FAAH: variants seen among roughly 807,000 people sequenced by gnomAD.
FAAH encodes fatty acid amide hydrolase, also known as fatty-acid amide hydrolase 1.
FAAH carries 63 observed loss-of-function variants against 69.7 expected under a neutral mutation model. The observed-to-expected ratio is 0.90, with a 90% CI of 0.74 to 1.12. FAAH has a LOEUF of 1.12. FAAH is among the 50% of genes most tolerant of loss of function. The probability of loss-of-function intolerance (pLI) is 0.00; values close to 1 mark genes in which losing one functional copy is unlikely to be tolerated. For missense variants in FAAH, 680 were observed against 755.0 expected, an observed-to-expected ratio of 0.90 and a Z score of 1.16; for synonymous variants, 305 against 324.2, an observed-to-expected ratio of 0.94 and a Z score of 0.64.
rs1265373206 is a variant in FAAH at position 46,409,340 on chromosome 1, C to A, written c.1175+142C>A. On this transcript the variant is annotated intron_variant, in intron 9 of 14. Coordinates refer to ENST00000243167, the MANE Select transcript of FAAH (RefSeq NM_001441.3). ...GCACTCTGGGCAGGGACCTCGCTGT[C>A]CCTCCAGCTGGGCACATTGAGCCTG... The A allele has an allele frequency of 2.0e-5, 14 of 714,516 alleles. No individual in the cohort carries two copies. The Admixed American group carries it at 2.8e-4, about 14-fold the overall frequency. 44.3% of individuals were successfully genotyped at this position (714,516 alleles called of 1,614,324 possible). A position where few individuals can be genotyped will look rare whatever the true frequency, so the allele number is the denominator to read the frequency against.
At chr1:46,407,002 C>T (rs2148450479) in intron 7 of FAAH, among the ~76,000 whole-genome samples, 1 of 152,072 alleles carries the variant, frequency 6.6e-6, no homozygotes, top group South Asian at 2.1e-4. Context: ...AAACAGCAGC[C>T]TTTCTAACAG....
rs1379504166 is a variant in FAAH at position 46,409,166 on chromosome 1, C to T, written c.1143C>T (p.Phe381=). The T allele has an allele frequency of 1.2e-6, 2 of 1,613,976 alleles. No homozygotes were observed. The highest frequency in any genetic ancestry group is 2.2e-5 in the South Asian group (2 of 91,054). The change falls in exon 9 of 15, where the codon TTC becomes TTT. Residue 381 remains phenylalanine, a synonymous_variant. Transcript: ENST00000243167. The stretch of plus-strand genomic sequence containing the variant: ...AGACCCTGTCAACAGGTGGGCTCTT[C>T]AGTGATGGTGGCCACACCTTCCTAC... ...ALETLSTGGL[F]SDGGHTFLQN...
chr1:46,413,592 G>C lies in FAAH; in HGVS notation c.*17G>C. Reference sequence around the variant, plus strand: ...TCATCCTGATGGCTCTGGCTCCAGAGGACCTGAGACTCACACTCTCTGCAG... The same window carrying C: ...TCATCCTGATGGCTCTGGCTCCAGACGACCTGAGACTCACACTCTCTGCAG... On this transcript the variant is annotated 3_prime_UTR_variant, in exon 15 of 15. Coordinates refer to ENST00000243167, the MANE Select transcript of FAAH (RefSeq NM_001441.3). 1 of 1,614,036 alleles carries C rather than the reference G, an allele frequency of 6.2e-7. No homozygotes were observed. The highest frequency in any genetic ancestry group is 8.5e-7 in the Non-Finnish European group (1 of 1,179,958).
chr1:46,407,092 G>A (rs985251838), intron 7 of FAAH, among the ~76,000 whole-genome samples: 8 of 151,766 alleles, frequency 5.3e-5, no homozygotes, highest in Admixed American at 3.3e-4. Context: ...TGCCAGACTT[G>A]CTGCTACGTG....
intron 1 of FAAH, among the ~76,000 whole-genome samples, chr1:46,396,303 C>A (rs186392703): frequency 6.6e-6 from 1 of 152,204 alleles, no homozygotes; most frequent in Non-Finnish European, 1.5e-5. Context: ...GTAAATAGAA[C>A]GTAGGATCGG....
rs1664911237 is a variant in FAAH, at chr1:46,411,436, G to C, written c.1317-176G>C. Among the ~76,000 whole-genome samples the C allele has an allele frequency of 6.6e-6, 1 of 152,168 alleles. No homozygotes were observed. The highest frequency in any genetic ancestry group is 2.1e-4 in the South Asian group (1 of 4,828). ...ACCAAGTGCCAGCCTGTGCCCCTCT[G>C]GGGCCTGATTTTCTCATCCAGACAG... On this transcript the variant is annotated intron_variant, in intron 11 of 14. Transcript: ENST00000243167. This position sits in a 1 kb window ranked among gnomAD's most constrained non-coding sequence, Gnocchi z 4.8.
At position 46,413,660 on chromosome 1, in the gene FAAH, G is replaced by A. The variant is rs200523033; in HGVS notation, c.*85G>A. ...ACAGCTGCCCTGCTGCCACAGCAAGGAAATGTCCTGCATGGGGCAGAGGCT... is the reference window on the plus strand; with the variant it reads ...ACAGCTGCCCTGCTGCCACAGCAAGAAAATGTCCTGCATGGGGCAGAGGCT... On this transcript the variant is annotated 3_prime_UTR_variant, in exon 15 of 15. Transcript: ENST00000243167. 37 of 1,597,670 alleles carry A rather than the reference G, an allele frequency of 2.3e-5. No individual in the cohort carries two copies. The African/African-American group carries it at 3.5e-4, about 15-fold the overall frequency.
rs1490208539 is a variant in FAAH, at chr1:46,408,465, A to T, written c.958A>T (p.Thr320Ser). The change falls in exon 8 of 15, where the codon ACC becomes TCC. Residue 320 changes from threonine to serine, a missense_variant. Thr to Ser is a moderately conservative substitution (Grantham distance 58, BLOSUM62 1). Coordinates refer to ENST00000243167, the MANE Select transcript of FAAH (RefSeq NM_001441.3). ...CCCTGTGTTTTCCCTCCAGGTCTAC[A>T]CCAGCTCTCAGCCCCTGCGTGTGGG... ...PPLPFREEVY[T>S]SSQPLRVGYY... The T allele has an allele frequency of 6.2e-7, 1 of 1,613,960 alleles. No homozygotes were observed. Among genetic ancestry groups the T allele is most frequent in the African/African-American group, 1.3e-5 (1 of 74,862 alleles).
At position 46,405,612 on chromosome 1, in the gene FAAH, T is replaced by C. The variant is rs759282213; in HGVS notation, c.603T>C (p.Phe201=). 2 of 1,613,490 alleles carry C rather than the reference T, an allele frequency of 1.2e-6. No individual in the cohort carries two copies. The highest frequency in any genetic ancestry group is 2.2e-5 in the South Asian group (2 of 91,056). The part of the protein sequence containing the change: ...MFSYDCSNPL[F]GQTVNPWKSS... ...GCTATGACTGCAGTAACCCCCTCTT[T>C]GGCCAGACCGTGAACCCATGGAAGT... Residue 201 remains phenylalanine, a synonymous_variant, in exon 5 of 15, where the codon TTT becomes TTC. Coordinates refer to ENST00000243167, the MANE Select transcript of FAAH (RefSeq NM_001441.3). This position sits in a 1 kb window ranked among gnomAD's most constrained non-coding sequence, Gnocchi z 4.1.
chr1:46,406,254 C>T lies in FAAH; in HGVS notation c.837C>T (p.Ser279=). ...CTCTCTGCCCCACAGTGCGTCTCTC[C>T]GTGGGCCCCATGGCCCGGGACGTGG... ...CVYGQEAVRL[S]VGPMARDVES... is the part of the protein sequence containing the mutation. The change falls in exon 7 of 15, where the codon TCC becomes TCT. Residue 279 remains serine, a synonymous_variant. Transcript: ENST00000243167. 3 of 1,614,042 alleles carry T rather than the reference C, an allele frequency of 1.9e-6. No homozygotes were observed. The African/African-American group carries it at 4.0e-5, about 22-fold the overall frequency.
Position 46,411,359 on chromosome 1 carries a change from T to C in FAAH, c.1317-253T>C, listed in dbSNP as rs1390622449. 1.3e-5 allele frequency among the ~76,000 whole-genome samples: 2 copies of C among 152,228 alleles called. No homozygotes were observed. Among genetic ancestry groups the C allele is most frequent in the East Asian group, 3.8e-4 (2 of 5,198 alleles). ...AGCAGCTATGGCCTCTCCCGTGTCC[T>C]GAGGGTAGCGAGGAATCGGGCCTGG... On this transcript the variant is annotated intron_variant, in intron 11 of 14. Coordinates refer to ENST00000243167, the MANE Select transcript of FAAH (RefSeq NM_001441.3). The surrounding 1 kb of genome is among the most constrained non-coding windows in gnomAD (Gnocchi z 4.8).
Position 46,413,151 on chromosome 1 carries a change from T to A in FAAH, c.1542T>A (p.Ala514=), listed in dbSNP as rs200627584. The change falls in exon 14 of 15, where the codon GCT becomes GCA. Residue 514 remains alanine, a synonymous_variant. Transcript: ENST00000243167. ...TGGTGCCTGTCACCACGGTGACTGC[T>A]GAGGACGAGGCCCAGATGGAACATT... The part of the protein sequence containing the change: ...AGVVPVTTVT[A]EDEAQMEHYR... The A allele has an allele frequency of 1.7e-5, 28 of 1,614,132 alleles. No homozygotes were observed. Among genetic ancestry groups the A allele is most frequent in the Non-Finnish European group, 2.2e-5 (26 of 1,180,026 alleles).
Position 46,411,718 on chromosome 1 carries a change from C to G in FAAH, c.1356+67C>G. Reference sequence around the variant, plus strand: ...AGGGTGGAGTTGGACAGGGTACCCGCTAGCAGTGTCTCGTGGCCACTGCCC... The same window carrying G: ...AGGGTGGAGTTGGACAGGGTACCCGGTAGCAGTGTCTCGTGGCCACTGCCC... On this transcript the variant is annotated intron_variant, in intron 12 of 14. Transcript: ENST00000243167. This position sits in a 1 kb window ranked among gnomAD's most constrained non-coding sequence, Gnocchi z 4.8. 6.4e-7 allele frequency: 1 copy of G among 1,573,668 alleles called. No homozygotes were observed. The highest frequency in any genetic ancestry group is 8.7e-7 in the Non-Finnish European group (1 of 1,148,492).
intron 2 of FAAH, among the ~76,000 whole-genome samples, chr1:46,402,694 A>G (rs558624997): frequency 7.5e-6 from 1 of 134,174 alleles, no homozygotes; most frequent in East Asian, 2.1e-4. Context: ...AAGAAAAAAA[A>G]TTTTTTTTTT....
chr1:46,400,660 A>C (rs933764277), intron 1 of FAAH, among the ~76,000 whole-genome samples: 2 of 149,224 alleles, frequency 1.3e-5, no homozygotes, highest in South Asian at 4.3e-4. Flanking sequence ...TGATGAGCTT[A>C]GAGGAAGGAC....
rs769504896 is a variant in FAAH, at chr1:46,405,701, C to T, written c.692C>T (p.Pro231Leu). The T allele has an allele frequency of 7.4e-6, 12 of 1,613,586 alleles. No individual in the cohort carries two copies. Among genetic ancestry groups the T allele is most frequent in the Non-Finnish European group, 1.0e-5 (12 of 1,180,040 alleles). Residue 231 changes from proline (P) to leucine (L), a missense_variant, in exon 5 of 15, where the codon CCC (proline) becomes CTC (leucine). By Grantham distance (98) the Pro-to-Leu change is moderately conservative (BLOSUM62 -3). Transcript: ENST00000243167. The surrounding 1 kb of genome is among the most constrained non-coding windows in gnomAD (Gnocchi z 4.1). ...EGALIGSGGS[P>L]LGLGTDIGGS... is the part of the protein sequence containing the mutation. ...GCCCTCATCGGGTCTGGAGGCTCCC[C>T]CCTGGGCTTAGGCACTGATATCGGA...
intron 9 of FAAH, 40 bp downstream of exon 9, chr1:46,409,238 C>G: frequency 6.6e-7 from 1 of 1,506,394 alleles, no homozygotes; most frequent in Non-Finnish European, 9.2e-7. Flanking sequence ...TGGGATCAGA[C>G]AAGTAGGCAG....
In FAAH at chr1:46,405,780, A is replaced by G; in HGVS notation, c.771A>G (p.Thr257=). The part of the protein sequence containing the change: ...SFCGICGLKP[T]GNRLSKSGLK... ...GCGGCATCTGCGGCCTCAAGCCCACAGGGAACCGCCTCAGGTAAGGTGGGT... is the reference window on the plus strand; with the variant it reads ...GCGGCATCTGCGGCCTCAAGCCCACGGGGAACCGCCTCAGGTAAGGTGGGT... Residue 257 remains threonine (T), a synonymous_variant, in exon 5 of 15, where the codon ACA becomes ACG. Coordinates refer to ENST00000243167, the MANE Select transcript of FAAH (RefSeq NM_001441.3). The surrounding 1 kb of genome is among the most constrained non-coding windows in gnomAD (Gnocchi z 4.1). 1 of 1,613,378 alleles carries G rather than the reference A, an allele frequency of 6.2e-7. No individual in the cohort carries two copies. Among genetic ancestry groups the G allele is most frequent in the Non-Finnish European group, 8.5e-7 (1 of 1,179,982 alleles).
intron 8 of FAAH, 77 bp from the exon 9 acceptor site, chr1:46,409,024 C>A (rs1664851210): frequency 6.4e-6 from 8 of 1,253,964 alleles, no homozygotes; most frequent in Non-Finnish European, 9.4e-6. Flanking sequence ...AATCCATCCT[C>A]AGGGCCGCCC....
Sources: gnomAD v4.1 joint callset for allele counts (sites outside exome capture counted in the v4.1 genomes callset) on GRCh38, gnomAD v4.1.1 for gene constraint, Gnocchi (gnomAD v3.1) non-coding constraint, MANE v1.5 for transcripts, NCBI Gene and HGNC (gene_info 2026-07-23, HGNC 2026-07-21) for gene names.